The following ANKRD23 variants were observed in gnomAD, a reference collection of about 807,000 sequenced individuals.
ANKRD23 encodes ankyrin repeat domain-containing protein 23.
Under a neutral mutation model 38.1 loss-of-function variants are expected in ANKRD23, and 52 were observed. That is an observed-to-expected ratio of 1.36 (90% CI 1.09 to 1.72). The LOEUF (loss-of-function observed/expected upper bound fraction) is 1.72, where lower values mean the gene tolerates loss of function less well. Ranked by LOEUF, ANKRD23 falls within the 40% of genes most tolerant of loss-of-function variation. ANKRD23 has a pLI of 0.00. For missense variants in ANKRD23, 416 were observed against 400.2 expected (o/e 1.04, Z -0.34); for synonymous variants, 167 against 162.9 (o/e 1.03, Z -0.19).
chr2:96,838,400 C>T lies in ANKRD23; in HGVS notation c.*1149G>A, dbSNP rs6724343. 560 of 988,110 alleles carry T rather than the reference C, an allele frequency of 5.7e-4. 6 individuals carry two copies. In the African/African-American group the frequency reaches 8.4e-3, roughly 15 times the overall value. 61.2% of individuals were successfully genotyped at this position (988,110 alleles called of 1,614,324 possible). On this transcript the variant is annotated 3_prime_UTR_variant, in exon 9 of 9. Coordinates refer to ENST00000318357, the MANE Select transcript of ANKRD23 (RefSeq NM_144994.8). ...AGGCCTACACCAGTGTAATTTGAAACGTACAGACGGTGGAAGAGGAAGTCT... is the reference window on the plus strand; with the variant it reads ...AGGCCTACACCAGTGTAATTTGAAATGTACAGACGGTGGAAGAGGAAGTCT...
rs371726283 is a variant in ANKRD23, at chr2:96,840,427, C to T, written c.514G>A (p.Ala172Thr). Residue 172 changes from alanine to threonine, a missense_variant, in exon 5 of 9, where the codon GCG (alanine) becomes ACG (threonine). Ala to Thr is a moderately conservative substitution (Grantham distance 58, BLOSUM62 0). Coordinates refer to ENST00000318357, the MANE Select transcript of ANKRD23 (RefSeq NM_144994.8). ...KLLVAGATVD[A>T]RDLLDRTPVF... ...TTCCCCATCCTCACCAAGTCTCGCGCGTCCACTGTGGCACCTGCCACCAGC... is the reference window on the plus strand; with the variant it reads ...TTCCCCATCCTCACCAAGTCTCGCGTGTCCACTGTGGCACCTGCCACCAGC... 15 of 1,613,912 alleles carry T rather than the reference C, an allele frequency of 9.3e-6. No individual in the cohort carries two copies. The highest frequency in any genetic ancestry group is 1.7e-5 in the Admixed American group (1 of 59,992).
chr2:96,838,479 G>GC lies in ANKRD23; in HGVS notation c.*1069_*1070insG. 3.1e-6 allele frequency: 3 copies of GC among 974,152 alleles called. No homozygotes were observed. The South Asian group carries it at 1.4e-4, about 47-fold the overall frequency. 60.3% of individuals were successfully genotyped at this position (974,152 alleles called of 1,614,324 possible). A position where few individuals can be genotyped will look rare whatever the true frequency, so the allele number is the denominator to read the frequency against. ...GAGCAGGGAAGGGATGGGAAGGGCT[G>GC]GGGGGCGGCGGGGGCTCACCTTCCT... On this transcript the variant is annotated 3_prime_UTR_variant, in exon 9 of 9. Coordinates refer to ENST00000318357, the MANE Select transcript of ANKRD23 (RefSeq NM_144994.8).
In ANKRD23 at chr2:96,839,563, G is replaced by T. The variant is rs533331557; in HGVS notation, c.904C>A (p.Arg302Ser). The change falls in exon 9 of 9, where the codon CGC becomes AGC. Residue 302 changes from arginine (R) to serine (S), a missense_variant. Transcript: ENST00000318357. ...EALQAHVAHP[R>S]TRC ...CGGTGCTGCGGTCAGCACCGGGTGCGGGGATGCGCCACGTGGGCCTGCAGG... is the reference window on the plus strand; with the variant it reads ...CGGTGCTGCGGTCAGCACCGGGTGCTGGGATGCGCCACGTGGGCCTGCAGG... 1.4e-6 allele frequency: 2 copies of T among 1,462,252 alleles called. No individual in the cohort carries two copies. The highest frequency in any genetic ancestry group is 9.0e-7 in the Non-Finnish European group (1 of 1,111,022). The allele number at this position is 1,462,252 out of a possible 1,614,324, so 90.6% of individuals were successfully genotyped here. A position where few individuals can be genotyped will look rare whatever the true frequency, so the allele number is the denominator to read the frequency against.
Position 96,838,881 on chromosome 2 carries a change from A to G in ANKRD23, c.*668T>C. 1.0e-6 allele frequency: 1 copy of G among 985,546 alleles called. No homozygotes were observed. Among genetic ancestry groups the G allele is most frequent in the Non-Finnish European group, 1.2e-6 (1 of 830,002 alleles). 61.1% of individuals were successfully genotyped at this position (985,546 alleles called of 1,614,324 possible). On this transcript the variant is annotated 3_prime_UTR_variant, in exon 9 of 9. Transcript: ENST00000318357. ...TGGACTTCTGTTGCTGTGGGGCCTC[A>G]AACCTGTTGAGTAGCCACCTCAGAT...
Position 96,839,266 on chromosome 2 carries a change from T to G in ANKRD23, c.*283A>C, listed in dbSNP as rs926599774. 3.4e-6 allele frequency: 4 copies of G among 1,187,252 alleles called. No homozygotes were observed. In the African/African-American group the frequency reaches 4.8e-5, roughly 14 times the overall value. The allele number at this position is 1,187,252 out of a possible 1,614,324, so 73.5% of individuals were successfully genotyped here. On this transcript the variant is annotated 3_prime_UTR_variant, in exon 9 of 9. Transcript: ENST00000318357. ...TTCTTGGCCCTCACTCTCCTCCCCT[T>G]CCTGGCCCTCATCTGGACCCGCGCT...
rs1345225548 is a variant in ANKRD23, at chr2:96,839,118, C to T, written c.*431G>A. The T allele has an allele frequency of 6.6e-5, 66 of 993,788 alleles. No homozygotes were observed. The highest frequency in any genetic ancestry group is 7.7e-5 in the Non-Finnish European group (64 of 836,392). The allele number at this position is 993,788 out of a possible 1,614,324, so 61.6% of individuals were successfully genotyped here. ...ATCTGCCGGCCACGGGCTGAGTCCC[C>T]ACACACACAGACTGGCCCTGGAGAG... is the stretch of plus-strand genomic sequence containing the variant. On this transcript the variant is annotated 3_prime_UTR_variant, in exon 9 of 9. Coordinates refer to ENST00000318357, the MANE Select transcript of ANKRD23 (RefSeq NM_144994.8).
In ANKRD23 at chr2:96,839,418, G is replaced by C. The variant is rs1391706714; in HGVS notation, c.*131C>G. On this transcript the variant is annotated 3_prime_UTR_variant, in exon 9 of 9. Coordinates refer to ENST00000318357, the MANE Select transcript of ANKRD23 (RefSeq NM_144994.8). ...GCCGCTCTTCAGTTCTGCCAGGGCTGCTGAGGCGGCACAGGCCAGAGAGGG... is the reference window on the plus strand; with the variant it reads ...GCCGCTCTTCAGTTCTGCCAGGGCTCCTGAGGCGGCACAGGCCAGAGAGGG... 7.7e-7 allele frequency: 1 copy of C among 1,294,240 alleles called. No homozygotes were observed. Among genetic ancestry groups the C allele is most frequent in the Non-Finnish European group, 9.8e-7 (1 of 1,025,390 alleles). The allele number at this position is 1,294,240 out of a possible 1,614,324, so 80.2% of individuals were successfully genotyped here.
At chr2:96,841,085 G>C (rs1420945653) in intron 3 of ANKRD23, 173 bp from the exon 4 acceptor site, 1 of 738,902 alleles carries the variant, frequency 1.4e-6, no homozygotes, top group African/African-American at 1.8e-5. Context: ...AATAGACTGT[G>C]TGTGTGTGAG....
In ANKRD23 at chr2:96,842,379, C is replaced by A; in HGVS notation, c.160G>T (p.Glu54Ter). The change falls in exon 2 of 9, where the codon GAG (glutamate) becomes TAG (stop). Residue 54 changes from glutamate (E) to a stop codon, truncating the protein, a stop_gained. Transcript: ENST00000318357. LOFTEE classifies it high-confidence loss of function. ...VAREKLKLEE[E>*]KKKKLERFNS... ...CCCTCTCTCACTTTCTTCTTCTTCT[C>A]TTCTTCCAATTTCAGCTTCTCCCGG... 1 of 1,552,516 alleles carries A rather than the reference C, an allele frequency of 6.4e-7. No individual in the cohort carries two copies. Among genetic ancestry groups the A allele is most frequent in the Non-Finnish European group, 8.8e-7 (1 of 1,138,900 alleles).
At position 96,838,409 on chromosome 2, in the gene ANKRD23, G is replaced by A. The variant is rs1304214880; in HGVS notation, c.*1140C>T. The A allele has an allele frequency of 3.0e-6, 3 of 988,142 alleles. No homozygotes were observed. Among genetic ancestry groups the A allele is most frequent in the Non-Finnish European group, 3.6e-6 (3 of 830,192 alleles). 61.2% of individuals were successfully genotyped at this position (988,142 alleles called of 1,614,324 possible). A position where few individuals can be genotyped will look rare whatever the true frequency, so the allele number is the denominator to read the frequency against. Reference sequence around the variant, plus strand: ...CCAGTGTAATTTGAAACGTACAGACGGTGGAAGAGGAAGTCTAGGGAGCTT... The same window carrying A: ...CCAGTGTAATTTGAAACGTACAGACAGTGGAAGAGGAAGTCTAGGGAGCTT... On this transcript the variant is annotated 3_prime_UTR_variant, in exon 9 of 9. Coordinates refer to ENST00000318357, the MANE Select transcript of ANKRD23 (RefSeq NM_144994.8).
In ANKRD23 at chr2:96,839,301, C is replaced by G. The variant is rs935904281; in HGVS notation, c.*248G>C. On this transcript the variant is annotated 3_prime_UTR_variant, in exon 9 of 9. Coordinates refer to ENST00000318357, the MANE Select transcript of ANKRD23 (RefSeq NM_144994.8). ...CATCTGGACCCGCGCTTTCTGCTGC[C>G]TTGTGGTCCTCTGCTCCAGCCCTGG... The G allele has an allele frequency of 1.6e-6, 2 of 1,229,862 alleles. No homozygotes were observed. Among genetic ancestry groups the G allele is most frequent in the Non-Finnish European group, 2.0e-6 (2 of 986,928 alleles). 76.2% of individuals were successfully genotyped at this position (1,229,862 alleles called of 1,614,324 possible). A position where few individuals can be genotyped will look rare whatever the true frequency, so the allele number is the denominator to read the frequency against.
chr2:96,839,853 C>T, intron 7 of ANKRD23, 28 bp from the exon 8 acceptor site: 1 of 1,600,420 alleles, frequency 6.2e-7, no homozygotes, highest in Non-Finnish European at 8.5e-7. Context: ...AGTCAAGCTT[C>T]TGCCTCCGCG....
In ANKRD23 at chr2:96,840,490, C is replaced by T. The variant is rs1237373834; in HGVS notation, c.451G>A (p.Ala151Thr). The T allele has an allele frequency of 1.2e-6, 2 of 1,613,860 alleles. No homozygotes were observed. Among genetic ancestry groups the T allele is most frequent in the African/African-American group, 1.3e-5 (1 of 74,948 alleles). ...DKLHRTALHW[A>T]CLKGHSQLVN... ...AGCTGGCTGTGACCCTTCAGACAGG[C>T]CCAGTGCAAGGCGGTGCGGTGGAGC... The change falls in exon 5 of 9, where the codon GCC (alanine) becomes ACC (threonine). Residue 151 changes from alanine to threonine, a missense_variant. Transcript: ENST00000318357.
rs76481457 is a variant in ANKRD23, at chr2:96,838,401, G to A, written c.*1148C>T. On this transcript the variant is annotated 3_prime_UTR_variant, in exon 9 of 9. Coordinates refer to ENST00000318357, the MANE Select transcript of ANKRD23 (RefSeq NM_144994.8). ...GGCCTACACCAGTGTAATTTGAAAC[G>A]TACAGACGGTGGAAGAGGAAGTCTA... 7.1e-3 allele frequency: 6,985 copies of A among 988,090 alleles called. 393 individuals carry two copies. In the African/African-American group the frequency reaches 0.11, roughly 16 times the overall value. 61.2% of individuals were successfully genotyped at this position (988,090 alleles called of 1,614,324 possible).
chr2:96,841,551 A>G (rs2079760779), intron 3 of ANKRD23, among the ~76,000 whole-genome samples: 1 of 145,834 alleles, frequency 6.9e-6, no homozygotes, highest in Non-Finnish European at 1.5e-5. Flanking sequence ...GTAATCCGAG[A>G]TCGTGCCACT....
In ANKRD23 at chr2:96,839,344, C is replaced by T; in HGVS notation, c.*205G>A. The T allele has an allele frequency of 1.6e-6, 2 of 1,253,426 alleles. No individual in the cohort carries two copies. Among genetic ancestry groups the T allele is most frequent in the Non-Finnish European group, 2.0e-6 (2 of 1,001,526 alleles). The allele number at this position is 1,253,426 out of a possible 1,614,324, so 77.6% of individuals were successfully genotyped here. On this transcript the variant is annotated 3_prime_UTR_variant, in exon 9 of 9. Coordinates refer to ENST00000318357, the MANE Select transcript of ANKRD23 (RefSeq NM_144994.8). ...AGCCCTGGGAGGGAACGCGGCTCCCCTGACACTCGAAGCCAGGGAGGCCTC... is the reference window on the plus strand; with the variant it reads ...AGCCCTGGGAGGGAACGCGGCTCCCTTGACACTCGAAGCCAGGGAGGCCTC...
chr2:96,840,151 A>T (rs1427135886), intron 6 of ANKRD23, 56 bp from the exon 7 acceptor site: 6 of 1,554,728 alleles, frequency 3.9e-6, no homozygotes, highest in African/African-American at 1.4e-5. Flanking sequence ...TCCCTAACCC[A>T]TGGGACTACG....
At position 96,839,265 on chromosome 2, in the gene ANKRD23, T is replaced by G. The variant is rs2079728698; in HGVS notation, c.*284A>C. ...GTTCTTGGCCCTCACTCTCCTCCCC[T>G]TCCTGGCCCTCATCTGGACCCGCGC... On this transcript the variant is annotated 3_prime_UTR_variant, in exon 9 of 9. Coordinates refer to ENST00000318357, the MANE Select transcript of ANKRD23 (RefSeq NM_144994.8). The G allele has an allele frequency of 2.5e-6, 3 of 1,185,418 alleles. No individual in the cohort carries two copies. In the South Asian group the frequency reaches 1.2e-4, roughly 49 times the overall value. 73.4% of individuals were successfully genotyped at this position (1,185,418 alleles called of 1,614,324 possible). A position where few individuals can be genotyped will look rare whatever the true frequency, so the allele number is the denominator to read the frequency against.
intron 1 of ANKRD23, 66 bp from the exon 2 acceptor site, chr2:96,842,577 G>A: frequency 6.5e-7 from 1 of 1,537,398 alleles, no homozygotes; most frequent in Non-Finnish European, 8.7e-7. Flanking sequence ...ACAGAGCTGT[G>A]GAGTAGCAGG....
Sources: gnomAD v4.1 joint callset for allele counts (sites outside exome capture counted in the v4.1 genomes callset) on GRCh38, gnomAD v4.1.1 for gene constraint, MANE v1.5 for transcripts, NCBI Gene and HGNC (gene_info 2026-07-23, HGNC 2026-07-21) for gene names.